The following PALD1 variants were observed in gnomAD, a reference collection of about 807,000 sequenced individuals.
The protein encoded by PALD1 is phosphatase domain containing paladin 1.
A neutral mutation model predicts 96.0 loss-of-function variants in PALD1; 57 were observed. The observed-to-expected ratio is 0.59, with a 90% CI of 0.48 to 0.74. The LOEUF (loss-of-function observed/expected upper bound fraction) is 0.74, where lower values mean the gene tolerates loss of function less well. Ranked by LOEUF, PALD1 falls within the 30% of genes least tolerant of loss-of-function variation. The probability of loss-of-function intolerance (pLI) is 0.00; values close to 1 mark genes in which losing one functional copy is unlikely to be tolerated. For synonymous variants in PALD1, 464 were observed against 473.6 expected (o/e 0.98, Z 0.26); for missense variants, 1,063 against 1,143.7 (o/e 0.93, Z 1.02).
the PALD1 span, among the ~76,000 whole-genome samples, chr10:70,459,201 T>C: frequency 6.6e-6 from 1 of 151,358 alleles, no homozygotes; most frequent in East Asian, 2.0e-4. Context: ...CACAGTTACC[T>C]CAGTTAGCCC....
chr10:70,488,512 C>T (rs1397067012), intron 1 of PALD1, among the ~76,000 whole-genome samples: 2 of 152,202 alleles, frequency 1.3e-5, no homozygotes, highest in Non-Finnish European at 2.9e-5. Flanking sequence ...TCTCTGGTCC[C>T]CGTAGGTAAC....
intron 1 of PALD1, among the ~76,000 whole-genome samples, chr10:70,501,614 G>A (rs1239034343): frequency 6.6e-6 from 1 of 152,204 alleles, no homozygotes; most frequent in Admixed American, 6.5e-5. Flanking sequence ...GCAGAACCAT[G>A]GTTGCTGGTG....
At chr10:70,465,435 G>T in the PALD1 span, among the ~76,000 whole-genome samples, 1 of 152,182 alleles carries the variant, frequency 6.6e-6, no homozygotes, top group Non-Finnish European at 1.5e-5. Context: ...TCTGTAGAAG[G>T]CAGAGGCCCT....
intron 1 of PALD1, among the ~76,000 whole-genome samples, chr10:70,498,696 G>C (rs913642275): frequency 6.6e-6 from 1 of 152,084 alleles, no homozygotes; most frequent in African/African-American, 2.4e-5. Context: ...GGAGGCTGAG[G>C]TGGGTAGATC....
At chr10:70,463,387 G>A in the PALD1 span, among the ~76,000 whole-genome samples, 1 of 151,912 alleles carries the variant, frequency 6.6e-6, no homozygotes, top group African/African-American at 2.4e-5. Context: ...GTGACAGAGC[G>A]AGACTCCGTC....
At chr10:70,544,954 A>G (rs1847331441) in intron 17 of PALD1, among the ~76,000 whole-genome samples, 1 of 152,320 alleles carries the variant, frequency 6.6e-6, no homozygotes, top group Admixed American at 6.5e-5. Flanking sequence ...AGTTGGGGAA[A>G]GGCCCTTCCC....
chr10:70,534,661 TTTTCTCC>T, intron 9 of PALD1, 71 bp from the exon 10 acceptor site: 1 of 1,233,066 alleles, frequency 8.1e-7, no homozygotes, highest in Non-Finnish European at 1.2e-6. Flanking sequence ...CTCTTTTCTC[TTTTCTCC>T]TGCCGTTCTG....
chr10:70,541,222 C>A lies in PALD1; in HGVS notation c.2029C>A (p.Leu677Met). Residue 677 changes from leucine to methionine, a missense_variant, in exon 16 of 20, where the codon CTG becomes ATG. Transcript: ENST00000263563. ...CACAACTGCGATGGTGGTGGCTGTC[C>A]TGGCCTTCTGGCACATCCAAGTACG... ...RTTTAMVVAV[L>M]AFWHIQGFPE... 6.2e-7 allele frequency: 1 copy of A among 1,607,942 alleles called. No homozygotes were observed. Among genetic ancestry groups the A allele is most frequent in the Non-Finnish European group, 8.5e-7 (1 of 1,177,658 alleles).
the PALD1 span, among the ~76,000 whole-genome samples, chr10:70,462,732 T>C: frequency 6.6e-6 from 1 of 152,256 alleles, no homozygotes; most frequent in South Asian, 2.1e-4. Context: ...TGCCATTGGC[T>C]TGGCAAGACA....
At chr10:70,488,664 T>C (rs959717088) in intron 1 of PALD1, among the ~76,000 whole-genome samples, 3 of 152,186 alleles carry the variant, frequency 2.0e-5, no homozygotes, top group Admixed American at 6.5e-5. Context: ...CCATGTATCA[T>C]GCAGAGGGAC....
At chr10:70,518,506 C>G (rs1241869473) in intron 1 of PALD1, among the ~76,000 whole-genome samples, 1 of 152,130 alleles carries the variant, frequency 6.6e-6, no homozygotes, top group Non-Finnish European at 1.5e-5. Context: ...AGCTCGGTAT[C>G]GTCAGTCTTT....
At chr10:70,478,638 GC>G (rs1845868189), upstream of PALD1, among the ~76,000 whole-genome samples, 1 of 152,146 alleles carries the variant, frequency 6.6e-6, no homozygotes, top group Non-Finnish European at 1.5e-5. Flanking sequence ...CGTTCCTCCC[GC>G]CCGGGGGCTG....
At position 70,502,789 on chromosome 10, in the gene PALD1, A is replaced by C. The variant is rs371676478; in HGVS notation, c.-29-23134A>C. Among the ~76,000 whole-genome samples, 22 of 152,336 alleles carry C rather than the reference A, an allele frequency of 1.4e-4. No individual in the cohort carries two copies. In the East Asian group the frequency reaches 4.2e-3, roughly 29 times the overall value. ...GAGCCCGTCCCCAGTGCCCATGCCC[A>C]CATGGGTGTTTCCACCCTGGTTCAC... is the stretch of plus-strand genomic sequence containing the variant. On this transcript the variant is annotated intron_variant, in intron 1 of 19. Coordinates refer to ENST00000263563, the MANE Select transcript of PALD1 (RefSeq NM_014431.3).
chr10:70,504,572 C>T (rs1161656652), intron 1 of PALD1, among the ~76,000 whole-genome samples: 1 of 152,172 alleles, frequency 6.6e-6, no homozygotes, highest in African/African-American at 2.4e-5. Flanking sequence ...TTATAACAAG[C>T]CTATTATGTG....
At chr10:70,541,592 C>G in intron 17 of PALD1, 58 bp downstream of exon 17, 2 of 1,322,722 alleles carry the variant, frequency 1.5e-6, no homozygotes, top group Non-Finnish European at 2.2e-6. Context: ...GAGGAGGACT[C>G]CTGCTTGCCG....
At chr10:70,488,863 G>GT (rs1414963930) in intron 1 of PALD1, among the ~76,000 whole-genome samples, 1 of 151,982 alleles carries the variant, frequency 6.6e-6, no homozygotes, top group Admixed American at 6.6e-5. Flanking sequence ...TGGGGTCTGG[G>GT]TGGATGTATT....
At position 70,492,448 on chromosome 10, in the gene PALD1, C is replaced by CTTT. The variant is rs1157960799; in HGVS notation, c.-30+13413_-30+13415dup. ...TTACCAGAATTAAATGCATTTTTGA[C>CTTT]TTTTTTTTTTTTTTTTTTTTTTTTT... On this transcript the variant is annotated intron_variant, in intron 1 of 19. Transcript: ENST00000263563. Among the ~76,000 whole-genome samples, 116 of 80,162 alleles carry CTTT rather than the reference C, an allele frequency of 1.4e-3. 19 individuals carry two copies. The East Asian group carries it at 0.025, about 17-fold the overall frequency. 52.6% of individuals were successfully genotyped at this position (80,162 alleles called of 152,430 possible).
Position 70,534,843 on chromosome 10 carries a change from G to C in PALD1, c.1227G>C (p.Gln409His). 1 of 1,598,408 alleles carries C rather than the reference G, an allele frequency of 6.3e-7. No individual in the cohort carries two copies. Among genetic ancestry groups the C allele is most frequent in the Non-Finnish European group, 8.6e-7 (1 of 1,167,578 alleles). Residue 409 changes from glutamine (Q) to histidine (H), a missense_variant and splice_region_variant, in exon 10 of 20, where the codon CAG becomes CAC. Gln to His is a conservative substitution (Grantham distance 24). Transcript: ENST00000263563. ...LEGIRPESPAQGSGSRHSVWQ... is the reference protein window; with the variant it reads ...LEGIRPESPAHGSGSRHSVWQ... Reference sequence around the variant, plus strand: ...GTATCCGACCGGAGAGCCCAGCCCAGGTGAGGCATGGAAGGACGTGTGAGC... The same window carrying C: ...GTATCCGACCGGAGAGCCCAGCCCACGTGAGGCATGGAAGGACGTGTGAGC...
the PALD1 span, among the ~76,000 whole-genome samples, chr10:70,459,710 T>G: frequency 6.6e-6 from 1 of 152,234 alleles, no homozygotes; most frequent in East Asian, 1.9e-4. Flanking sequence ...TCATCTGAGT[T>G]AGGGGTGGTT....
Sources: allele counts gnomAD v4.1 joint callset (sites outside exome capture counted in the v4.1 genomes callset), GRCh38; gene constraint gnomAD v4.1.1; transcripts MANE v1.5; gene names NCBI Gene and HGNC (gene_info 2026-07-23, HGNC 2026-07-21).